ZNF174: variants seen among roughly 807,000 people sequenced by gnomAD.
The protein encoded by ZNF174 is AW-1.
Under a neutral mutation model 38.7 loss-of-function variants are expected in ZNF174, and 30 were observed. The ratio of observed to expected loss-of-function variants is 0.78; its 90% CI spans 0.58 to 1.05. The LOEUF (loss-of-function observed/expected upper bound fraction) is 1.05. Ranked by LOEUF, ZNF174 falls within the 50% of genes least tolerant of loss-of-function variation. ZNF174 has a pLI of 0.00. For missense variants in ZNF174, 499 were observed against 495.6 expected, an observed-to-expected ratio of 1.01 and a Z score of -0.06; for synonymous variants, 201 against 181.7, an observed-to-expected ratio of 1.11 and a Z score of -0.86.
intron 2 of ZNF174, chr16:3,405,024 A>G: frequency 6.2e-7 from 1 of 1,605,392 alleles, no homozygotes; most frequent in Non-Finnish European, 8.5e-7. Flanking sequence ...GGTAGAAATA[A>G]AAACCCACCC....
At chr16:3,407,849 G>C (rs1298576003) in intron 2 of ZNF174, among the ~76,000 whole-genome samples, 1 of 152,230 alleles carries the variant, frequency 6.6e-6, no homozygotes, top group Non-Finnish European at 1.5e-5. Context: ...TTGAAGAGAA[G>C]GTGGTTGTCA....
At chr16:3,405,584 A>G (rs2034043901) in intron 2 of ZNF174, among the ~76,000 whole-genome samples, 1 of 152,222 alleles carries the variant, frequency 6.6e-6, no homozygotes, top group Non-Finnish European at 1.5e-5. Flanking sequence ...CAAAGGCCCC[A>G]TGTCCTAACA....
In ZNF174 at chr16:3,409,230, C is replaced by A. The variant is rs184066945; in HGVS notation, c.*311C>A. ...GCAGGTGGCCCGCTTACTGTTAAAT[C>A]GTCCCTCTGTTGCTTTATCCTCTAA... On this transcript the variant is annotated 3_prime_UTR_variant, in exon 3 of 3. Coordinates refer to ENST00000268655, the MANE Select transcript of ZNF174 (RefSeq NM_003450.3). 3 of 318,876 alleles carry A rather than the reference C, an allele frequency of 9.4e-6. No individual in the cohort carries two copies. The highest frequency in any genetic ancestry group is 4.6e-5 in the Admixed American group (1 of 21,698). 19.8% of individuals were successfully genotyped at this position (318,876 alleles called of 1,614,324 possible). A position where few individuals can be genotyped will look rare whatever the true frequency, so the allele number is the denominator to read the frequency against.
intron 2 of ZNF174, among the ~76,000 whole-genome samples, chr16:3,406,555 G>A (rs2034058893): frequency 6.6e-6 from 1 of 152,188 alleles, no homozygotes; most frequent in Non-Finnish European, 1.5e-5. Flanking sequence ...ATCTTTTCAT[G>A]TGCTTATTAT....
chr16:3,408,011 A>G (rs537678857), intron 2 of ZNF174, among the ~76,000 whole-genome samples: 1 of 152,278 alleles, frequency 6.6e-6, no homozygotes, highest in South Asian at 2.1e-4. Context: ...TTCATTTCCT[A>G]AACCTTTCCC....
chr16:3,409,094 C>G lies in ZNF174; in HGVS notation c.*175C>G. ...CAGAAAAGGCCAACCAGGGCCCAAC[C>G]GTGCATGATGACAGGGTGAAGAGAA... On this transcript the variant is annotated 3_prime_UTR_variant, in exon 3 of 3. Transcript: ENST00000268655. The G allele has an allele frequency of 1.5e-6, 1 of 676,962 alleles. No individual in the cohort carries two copies. Among genetic ancestry groups the G allele is most frequent in the East Asian group, 2.6e-5 (1 of 38,266 alleles). 41.9% of individuals were successfully genotyped at this position (676,962 alleles called of 1,614,324 possible). A position where few individuals can be genotyped will look rare whatever the true frequency, so the allele number is the denominator to read the frequency against.
Position 3,402,155 on chromosome 16 carries a change from C to A in ZNF174, c.151C>A (p.Arg51Ser), listed in dbSNP as rs189561191. The change falls in exon 1 of 3, where the codon CGC (arginine) becomes AGC (serine). Residue 51 changes from arginine to serine, a missense_variant. Transcript: ENST00000268655. ...DPELCRQSFRRFCYQEVSGPQ... is the reference protein window; with the variant it reads ...DPELCRQSFRSFCYQEVSGPQ... Reference sequence around the variant, plus strand: ...TGAGCTCTGCCGCCAGAGCTTCAGACGCTTTTGTTATCAAGAGGTGTCTGG... The same window carrying A: ...TGAGCTCTGCCGCCAGAGCTTCAGAAGCTTTTGTTATCAAGAGGTGTCTGG... The A allele has an allele frequency of 9.3e-6, 15 of 1,614,180 alleles. No individual in the cohort carries two copies. The highest frequency in any genetic ancestry group is 1.3e-5 in the Non-Finnish European group (15 of 1,180,044).
intron 2 of ZNF174, among the ~76,000 whole-genome samples, chr16:3,407,360 C>T (rs959277501): frequency 2.9e-4 from 44 of 152,280 alleles, no homozygotes; most frequent in Non-Finnish European, 4.0e-4. Flanking sequence ...CAGGGTCCAA[C>T]TTCATTCTCT....
chr16:3,408,618 G>A lies in ZNF174; in HGVS notation c.923G>A (p.Ser308Asn). 2 of 1,614,168 alleles carry A rather than the reference G, an allele frequency of 1.2e-6. No homozygotes were observed. The highest frequency in any genetic ancestry group is 1.7e-6 in the Non-Finnish European group (2 of 1,180,024). ...AGCAAAGGAGGTAAACGGAGTCTGA[G>A]CAACCGTTTGCAACATCTTGGTCAC... ...KKSKGGKRSL[S>N]NRLQHLGHQP... Residue 308 changes from serine (S) to asparagine (N), a missense_variant, in exon 3 of 3, where the codon AGC becomes AAC. By Grantham distance (46) the Ser-to-Asn change is conservative. Transcript: ENST00000268655.
chr16:3,402,794 A>G (rs1278967361), intron 1 of ZNF174, among the ~76,000 whole-genome samples: 2 of 151,922 alleles, frequency 1.3e-5, no homozygotes, highest in Admixed American at 6.6e-5. Context: ...TGGTATCTGG[A>G]TCTCTCCCTA....
In ZNF174 at chr16:3,408,954, G is replaced by A. The variant is rs1804582; in HGVS notation, c.*35G>A. ...TCCATGCTTTAGATTCACACGGAAG[G>A]TGTTTGTGTTTCTCCTCCCCCTTAC... On this transcript the variant is annotated 3_prime_UTR_variant, in exon 3 of 3. Coordinates refer to ENST00000268655, the MANE Select transcript of ZNF174 (RefSeq NM_003450.3). The A allele has an allele frequency of 1.2e-5, 19 of 1,544,490 alleles. No individual in the cohort carries two copies. The African/African-American group carries it at 1.4e-4, about 11-fold the overall frequency.
chr16:3,405,084 C>G, intron 2 of ZNF174: 1 of 1,517,012 alleles, frequency 6.6e-7, no homozygotes, highest in South Asian at 1.3e-5. Context: ...TACTTTAGAT[C>G]CTCAAATCTA....
At position 3,408,324 on chromosome 16, in the gene ZNF174, C is replaced by T; in HGVS notation, c.629C>T (p.Ala210Val). 6.4e-7 allele frequency: 1 copy of T among 1,574,446 alleles called. No individual in the cohort carries two copies. The highest frequency in any genetic ancestry group is 8.6e-7 in the Non-Finnish European group (1 of 1,162,526). The change falls in exon 3 of 3, where the codon GCC (alanine) becomes GTC (valine). Residue 210 changes from alanine (A) to valine (V), a missense_variant. Physicochemically the swap from Ala to Val is moderately conservative, Grantham distance 64 (BLOSUM62 0). Transcript: ENST00000268655. ...EPTPKLAGTE[A>V]PRMRSDNKEN... The stretch of plus-strand genomic sequence containing the variant: ...AGCATTTTCTTTCTAATTATAGAGG[C>T]CCCCAGAATGAGAAGTGACAACAAG...
rs2033918902 is a variant in ZNF174, at chr16:3,401,988, G to C, written c.-17G>C. ...TTAACCCGTTTACAAGGAGAGAGTTGTCTCCTGACGCCCAAAATGGCAGCT... is the reference window on the plus strand; with the variant it reads ...TTAACCCGTTTACAAGGAGAGAGTTCTCTCCTGACGCCCAAAATGGCAGCT... On this transcript the variant is annotated 5_prime_UTR_variant, in exon 1 of 3. Coordinates refer to ENST00000268655, the MANE Select transcript of ZNF174 (RefSeq NM_003450.3). 6.2e-7 allele frequency: 1 copy of C among 1,609,550 alleles called. No homozygotes were observed. Among genetic ancestry groups the C allele is most frequent in the African/African-American group, 1.3e-5 (1 of 74,350 alleles).
chr16:3,404,597 T>G lies in ZNF174; in HGVS notation c.574T>G (p.Trp192Gly), dbSNP rs747645196. Residue 192 changes from tryptophan (W) to glycine (G), a missense_variant, in exon 2 of 3, where the codon TGG becomes GGG. By Grantham distance (184) the Trp-to-Gly change is radical. Transcript: ENST00000268655. Reference protein sequence around the residue: ...GAYDRLSPHHWEKSPLLQEPT... With the variant: ...GAYDRLSPHHGEKSPLLQEPT... ...TTATGACCGGCTGAGCCCCCATCAT[T>G]GGGAGAAATCCCCACTCCTCCAAGA... 6.2e-7 allele frequency: 1 copy of G among 1,614,190 alleles called. No individual in the cohort carries two copies. Among genetic ancestry groups the G allele is most frequent in the Non-Finnish European group, 8.5e-7 (1 of 1,180,030 alleles).
Position 3,408,944 on chromosome 16 carries a change from C to A in ZNF174, c.*25C>A. Reference sequence around the variant, plus strand: ...AAAGGAGCACTCCATGCTTTAGATTCACACGGAAGGTGTTTGTGTTTCTCC... The same window carrying A: ...AAAGGAGCACTCCATGCTTTAGATTAACACGGAAGGTGTTTGTGTTTCTCC... On this transcript the variant is annotated 3_prime_UTR_variant, in exon 3 of 3. Transcript: ENST00000268655. 6.4e-7 allele frequency: 1 copy of A among 1,567,880 alleles called. No individual in the cohort carries two copies. The highest frequency in any genetic ancestry group is 1.2e-5 in the South Asian group (1 of 84,564).
Position 3,402,330 on chromosome 16 carries a change from G to A in ZNF174, c.326G>A (p.Arg109Gln), listed in dbSNP as rs758371885. The change falls in exon 1 of 3, where the codon CGA (arginine) becomes CAA (glutamine). Residue 109 changes from arginine to glutamine, a missense_variant. Arg to Gln is a conservative substitution (Grantham distance 43). Coordinates refer to ENST00000268655, the MANE Select transcript of ZNF174 (RefSeq NM_003450.3). The stretch of plus-strand genomic sequence containing the variant: ...GAGATCCAGGCTCGGGTCAGGCATC[G>A]ATGTCCAATGAGCAGCAAGGAGATT... ...PPEIQARVRH[R>Q]CPMSSKEIVT... 6.2e-7 allele frequency: 1 copy of A among 1,613,904 alleles called. No homozygotes were observed. The highest frequency in any genetic ancestry group is 8.5e-7 in the Non-Finnish European group (1 of 1,180,022).
chr16:3,402,001 C>G lies in ZNF174; in HGVS notation c.-4C>G. On this transcript the variant is annotated 5_prime_UTR_variant, in exon 1 of 3. Coordinates refer to ENST00000268655, the MANE Select transcript of ZNF174 (RefSeq NM_003450.3). ...AAGGAGAGAGTTGTCTCCTGACGCC[C>G]AAAATGGCAGCTAAAATGGAGATAA... The G allele has an allele frequency of 6.2e-7, 1 of 1,611,568 alleles. No homozygotes were observed. Among genetic ancestry groups the G allele is most frequent in the Non-Finnish European group, 8.5e-7 (1 of 1,179,550 alleles).
In ZNF174 at chr16:3,402,002, A is replaced by G; in HGVS notation, c.-3A>G. 6.2e-7 allele frequency: 1 copy of G among 1,611,702 alleles called. No individual in the cohort carries two copies. Among genetic ancestry groups the G allele is most frequent in the Non-Finnish European group, 8.5e-7 (1 of 1,179,520 alleles). ...AGGAGAGAGTTGTCTCCTGACGCCC[A>G]AAATGGCAGCTAAAATGGAGATAAC... On this transcript the variant is annotated 5_prime_UTR_variant, in exon 1 of 3. Coordinates refer to ENST00000268655, the MANE Select transcript of ZNF174 (RefSeq NM_003450.3).
Sources: allele counts gnomAD v4.1 joint callset (sites outside exome capture counted in the v4.1 genomes callset), GRCh38; gene constraint gnomAD v4.1.1; transcripts MANE v1.5; gene names NCBI Gene and HGNC (gene_info 2026-07-23, HGNC 2026-07-21).